Variants in SUGCT observed in about 807,000 individuals in gnomAD.
SUGCT encodes the protein succinyl-CoA:glutarate-CoA transferase, also known as succinyl-CoA:glutarate CoA-transferase.
A neutral mutation model predicts 55.0 loss-of-function variants in SUGCT; 41 were observed. The ratio of observed to expected loss-of-function variants is 0.74; its 90% confidence interval spans 0.58 to 0.97. SUGCT has a LOEUF of 0.97. Among genes scored for constraint, SUGCT ranks in the 50% least tolerant of loss-of-function variants. The probability of loss-of-function intolerance (pLI) is 0.00; values close to 1 mark genes in which losing one functional copy is unlikely to be tolerated. For missense variants in SUGCT, 568 were observed against 547.8 expected (o/e 1.04, Z -0.37); for synonymous variants, 187 against 200.4 (o/e 0.93, Z 0.56).
At chr7:40,179,810 T>G (rs1390901819) in intron 1 of SUGCT, among the ~76,000 whole-genome samples, 1 of 152,208 alleles carries the variant, frequency 6.6e-6, no homozygotes, top group Non-Finnish European at 1.5e-5. Context: ...CCCCAGTGTG[T>G]AAGCACTTAT....
chr7:40,371,493 T>TCCTAA (rs1784293468), intron 9 of SUGCT, among the ~76,000 whole-genome samples: 1 of 152,150 alleles, frequency 6.6e-6, no homozygotes, highest in South Asian at 2.1e-4. Flanking sequence ...CATGCTTTTT[T>TCCTAA]GTGCACTTCA....
At chr7:40,466,201 C>T (rs190010012) in intron 11 of SUGCT, among the ~76,000 whole-genome samples, 3 of 152,296 alleles carry the variant, frequency 2.0e-5, no homozygotes, top group Non-Finnish European at 4.4e-5. Flanking sequence ...GTCACTATGC[C>T]TGGCTTCTAT....
intron 6 of SUGCT, among the ~76,000 whole-genome samples, chr7:40,234,578 C>G (rs1040862328): frequency 6.6e-6 from 1 of 152,150 alleles, no homozygotes; most frequent in Non-Finnish European, 1.5e-5. Flanking sequence ...GGAGATAAAA[C>G]TGTAATTTAC....
intron 12 of SUGCT, among the ~76,000 whole-genome samples, chr7:40,595,707 C>G (rs1797980415): frequency 6.6e-6 from 1 of 151,668 alleles, no homozygotes; most frequent in South Asian, 2.1e-4. Flanking sequence ...TACACCACTC[C>G]CATCTTCAAA....
At chr7:40,238,407 A>G (rs1425940310) in intron 7 of SUGCT, among the ~76,000 whole-genome samples, 1 of 152,196 alleles carries the variant, frequency 6.6e-6, no homozygotes, top group Non-Finnish European at 1.5e-5. Context: ...CGGGGAAAGC[A>G]ATATGAATGA....
At chr7:40,405,794 A>G (rs1251694522) in intron 9 of SUGCT, among the ~76,000 whole-genome samples, 1 of 140,800 alleles carries the variant, frequency 7.1e-6, no homozygotes, top group East Asian at 2.1e-4. Context: ...TGGGTGACAG[A>G]GCAAGACTCT....
chr7:40,593,058 C>T (rs185398153), intron 12 of SUGCT, among the ~76,000 whole-genome samples: 23 of 152,208 alleles, frequency 1.5e-4, no homozygotes, highest in African/African-American at 4.8e-4. Context: ...AGATTCTGAG[C>T]GGCTGGTAGG....
intron 12 of SUGCT, among the ~76,000 whole-genome samples, chr7:40,667,312 G>A (rs1248045098): frequency 6.6e-6 from 1 of 152,060 alleles, no homozygotes; most frequent in African/African-American, 2.4e-5. Flanking sequence ...CCTGATCATG[G>A]TGTATTAACT....
At chr7:40,448,876 A>G (rs962971785) in intron 9 of SUGCT, among the ~76,000 whole-genome samples, 5 of 151,920 alleles carry the variant, frequency 3.3e-5, no homozygotes, top group African/African-American at 1.2e-4. Flanking sequence ...ACACACTCAT[A>G]TATACATACA....
the SUGCT span, chr7:40,965,167 G>A: frequency 0.33 from 49,433 of 152,050 alleles, 8,871 homozygotes; most frequent in Admixed American, 0.44. Context: ...GGCCCCACCA[G>A]CCTGATTTGC....
At chr7:40,459,424 A>G (rs1239480945) in intron 11 of SUGCT, among the ~76,000 whole-genome samples, 2 of 152,180 alleles carry the variant, frequency 1.3e-5, no homozygotes, top group African/African-American at 4.8e-5. Flanking sequence ...AGTCATAACA[A>G]TGATATAAAT....
chr7:40,810,015 G>A (rs1029847758), intron 13 of SUGCT, among the ~76,000 whole-genome samples: 1 of 151,872 alleles, frequency 6.6e-6, no homozygotes, highest in Non-Finnish European at 1.5e-5. Flanking sequence ...ACATTTTCTT[G>A]ATCTAATCCA....
the SUGCT span, among the ~76,000 whole-genome samples, chr7:41,024,768 TG>T: frequency 1.7e-5 from 1 of 59,852 alleles, no homozygotes; most frequent in Non-Finnish European, 4.7e-5. Flanking sequence ...TACAGCCCCC[TG>T]AGTGGATATT....
chr7:40,355,437 C>T (rs2151207909), intron 9 of SUGCT, among the ~76,000 whole-genome samples: 1 of 152,210 alleles, frequency 6.6e-6, no homozygotes, highest in Non-Finnish European at 1.5e-5. Flanking sequence ...CAATATTAAC[C>T]ATATATGCTC....
At chr7:40,691,310 C>CT (rs536602371) in intron 12 of SUGCT, among the ~76,000 whole-genome samples, 4,455 of 144,432 alleles carry the variant, frequency 0.031, 212 homozygotes, top group African/African-American at 0.1. Context: ...ATGTGAGAAA[C>CT]TTTTTTTTTT....
Position 40,356,175 on chromosome 7 carries a change from C to T in SUGCT, c.816+39320C>T, listed in dbSNP as rs1459939524. 3.3e-5 allele frequency among the ~76,000 whole-genome samples: 5 copies of T among 152,112 alleles called. No individual in the cohort carries two copies. In the East Asian group the frequency reaches 5.8e-4, roughly 18 times the overall value. ...CACTTTTTGTTTTATCTTCTGACAG[C>T]GCAGGAAGTATATAAAACAGCTTGG... On this transcript the variant is annotated intron_variant, in intron 9 of 13. Coordinates refer to ENST00000335693, the MANE Select transcript of SUGCT (RefSeq NM_001193313.2).
intron 13 of SUGCT, among the ~76,000 whole-genome samples, chr7:40,856,231 T>C (rs779259541): frequency 6.6e-6 from 1 of 152,088 alleles, no homozygotes; most frequent in Non-Finnish European, 1.5e-5. Context: ...TCATTAGTGA[T>C]GATCCCTTCC....
chr7:41,031,210 T>A, the SUGCT span, among the ~76,000 whole-genome samples: 11 of 152,152 alleles, frequency 7.2e-5, no homozygotes, highest in Non-Finnish European at 1.6e-4. Context: ...GAATTCTCTG[T>A]CTTCTATGCT....
At position 40,737,795 on chromosome 7, in the gene SUGCT, G is replaced by A. The variant is rs1175463993; in HGVS notation, c.1090-11639G>A. Among the ~76,000 whole-genome samples the A allele has an allele frequency of 3.3e-5, 5 of 152,166 alleles. No homozygotes were observed. The South Asian group carries it at 6.2e-4, about 19-fold the overall frequency. On this transcript the variant is annotated intron_variant, in intron 12 of 13. Transcript: ENST00000335693. Reference sequence around the variant, plus strand: ...AAAAATTAGCCAGGGGTGGTGGCGGGCGCCTGTAATCCCAGCTACTTGGGA... The same window carrying A: ...AAAAATTAGCCAGGGGTGGTGGCGGACGCCTGTAATCCCAGCTACTTGGGA...
Sources: gnomAD v4.1 joint callset for allele counts (sites outside exome capture counted in the v4.1 genomes callset) on GRCh38, gnomAD v4.1.1 for gene constraint, MANE v1.5 for transcripts, NCBI Gene and HGNC (gene_info 2026-07-23, HGNC 2026-07-21) for gene names.